OR2L13: variants seen among roughly 807,000 people sequenced by gnomAD.
The protein encoded by OR2L13 is olfactory receptor 2L13.
A neutral mutation model predicts 15.3 loss-of-function variants in OR2L13; 14 were observed. That is an observed-to-expected ratio of 0.91 (90% CI 0.60 to 1.43). OR2L13 has a LOEUF of 1.43. OR2L13 is among the 40% of genes most tolerant of loss of function. The pLI, the probability that OR2L13 is intolerant of heterozygous loss-of-function variation, is 0.00. For synonymous variants in OR2L13, 152 were observed against 142.9 expected, an observed-to-expected ratio of 1.06 and a Z score of -0.45; for missense variants, 367 against 387.9, an observed-to-expected ratio of 0.95 and a Z score of 0.45.
the OR2L13 span, among the ~76,000 whole-genome samples, chr1:248,071,640 G>A: frequency 6.6e-6 from 1 of 151,952 alleles, no homozygotes; most frequent in African/African-American, 2.4e-5. Flanking sequence ...AATTAGGCAG[G>A]ACAAGGAAAT....
chr1:248,011,290 C>T, the OR2L13 span, among the ~76,000 whole-genome samples: 4 of 152,096 alleles, frequency 2.6e-5, no homozygotes, highest in African/African-American at 2.4e-5. Flanking sequence ...ATTCTCTTCT[C>T]GCTTATAGGG....
At chr1:247,975,566 CA>C in the OR2L13 span, 1 of 1,298,874 alleles carries the variant, frequency 7.7e-7, no homozygotes, top group Non-Finnish European at 1.1e-6. Flanking sequence ...ATCCTCACCT[CA>C]ATGCTCAACC....
chr1:248,050,392 A>G, the OR2L13 span, among the ~76,000 whole-genome samples: 1 of 152,196 alleles, frequency 6.6e-6, no homozygotes, highest in African/African-American at 2.4e-5. Flanking sequence ...TTACATAAGA[A>G]AAAATATCTT....
chr1:248,083,711 G>A, the OR2L13 span: 1 of 1,612,112 alleles, frequency 6.2e-7, no homozygotes, highest in Non-Finnish European at 8.5e-7. Context: ...GGGCTTCCTT[G>A]ACCTCACTGT....
the OR2L13 span, chr1:247,975,480 G>C: frequency 1.2e-6 from 1 of 850,918 alleles, no homozygotes; most frequent in African/African-American, 1.7e-5. Context: ...ACTATGCAAT[G>C]TTTGCTTATA....
At chr1:248,018,063 G>T in the OR2L13 span, among the ~76,000 whole-genome samples, 4 of 151,738 alleles carry the variant, frequency 2.6e-5, no homozygotes, top group African/African-American at 9.7e-5. Flanking sequence ...GCTGAGGCAG[G>T]AGAATGGCGT....
chr1:247,990,984 C>T, the OR2L13 span: 4 of 1,510,058 alleles, frequency 2.6e-6, no homozygotes, highest in East Asian at 2.3e-5. Flanking sequence ...CCTATTCGAC[C>T]TGCAGCACCC....
the OR2L13 span, among the ~76,000 whole-genome samples, chr1:248,000,123 G>GT: frequency 1.4e-4 from 20 of 138,296 alleles, 1 homozygote; most frequent in South Asian, 2.3e-3. Context: ...TTTTTTTTTT[G>GT]GTGTGTGTGT....
At chr1:248,065,565 C>T in the OR2L13 span, among the ~76,000 whole-genome samples, 2 of 149,916 alleles carry the variant, frequency 1.3e-5, no homozygotes, top group African/African-American at 2.4e-5. Flanking sequence ...GGTATATCTC[C>T]TAATGCTATC....
chr1:247,969,503 A>G, the OR2L13 span, among the ~76,000 whole-genome samples: 1 of 152,210 alleles, frequency 6.6e-6, no homozygotes, highest in Non-Finnish European at 1.5e-5. Context: ...AGTGTAGGCT[A>G]GCAGGATTGG....
At chr1:247,960,746 C>A in the OR2L13 span, among the ~76,000 whole-genome samples, 1 of 152,194 alleles carries the variant, frequency 6.6e-6, no homozygotes, top group Non-Finnish European at 1.5e-5. Context: ...GAGCTAGGCG[C>A]GGGATTAATC....
chr1:248,058,395 G>A, the OR2L13 span, among the ~76,000 whole-genome samples: 2 of 152,136 alleles, frequency 1.3e-5, no homozygotes, highest in South Asian at 2.1e-4. Flanking sequence ...TCACCCCCAG[G>A]TTCCTTACAC....
At chr1:247,979,283 G>A in the OR2L13 span, among the ~76,000 whole-genome samples, 15 of 152,108 alleles carry the variant, frequency 9.9e-5, 1 homozygote, top group East Asian at 2.9e-3. Flanking sequence ...TTTACATTAG[G>A]TATTTCTCCT....
chr1:248,001,255 T>C, the OR2L13 span, among the ~76,000 whole-genome samples: 4 of 152,060 alleles, frequency 2.6e-5, no homozygotes, highest in Non-Finnish European at 5.9e-5. Context: ...AAGGAATGAA[T>C]GCTGTGACGT....
the OR2L13 span, among the ~76,000 whole-genome samples, chr1:247,984,867 C>T: frequency 6.6e-6 from 1 of 152,078 alleles, no homozygotes; most frequent in Non-Finnish European, 1.5e-5. Flanking sequence ...AAATTTTGTT[C>T]CCTACACAAT....
exon 3 of OR2L13, chr1:248,099,737 G>C (rs765402005): frequency 1.2e-6 from 2 of 1,613,950 alleles, no homozygotes; most frequent in Non-Finnish European, 1.7e-6. Flanking sequence ...GCCTACGACC[G>C]TTATTTGGCC....
the OR2L13 span, among the ~76,000 whole-genome samples, chr1:247,973,671 GA>G: frequency 2.0e-3 from 306 of 152,118 alleles, 1 homozygote; most frequent in Middle Eastern, 0.017. Context: ...ACAAACATTT[GA>G]AAAAAAGCTC....
the OR2L13 span, among the ~76,000 whole-genome samples, chr1:247,957,216 A>C: frequency 0.29 from 44,234 of 151,978 alleles, 6,747 homozygotes; most frequent in East Asian, 0.43. Context: ...GGTTTTTGTC[A>C]TTGGTTCTGT....
chr1:248,049,627 C>T, the OR2L13 span, among the ~76,000 whole-genome samples: 4,792 of 152,098 alleles, frequency 0.032, 226 homozygotes, highest in African/African-American at 0.11. Flanking sequence ...TACGAGGAAA[C>T]GGAAAAAGAT....
Sources: allele counts gnomAD v4.1 joint callset (sites outside exome capture counted in the v4.1 genomes callset), GRCh38; gene constraint gnomAD v4.1.1; transcripts MANE v1.5; gene names NCBI Gene and HGNC (gene_info 2026-07-23, HGNC 2026-07-21).